Variants in DRC8 observed in about 807,000 individuals in gnomAD.
DRC8 encodes dynein regulatory complex protein 8.
chr1:245,118,963 C>T, the DRC8 span, among the ~76,000 whole-genome samples: 3 of 152,116 alleles, frequency 2.0e-5, no homozygotes, highest in East Asian at 3.8e-4. Context: ...GGGATTGACT[C>T]ATTCTTGATG....
At chr1:245,017,839 C>T in the DRC8 span, among the ~76,000 whole-genome samples, 1 of 152,152 alleles carries the variant, frequency 6.6e-6, no homozygotes, top group Non-Finnish European at 1.5e-5. Context: ...ATGGAGGACA[C>T]AGCTTGGGAC....
At chr1:245,042,101 C>T in the DRC8 span, among the ~76,000 whole-genome samples, 1 of 152,232 alleles carries the variant, frequency 6.6e-6, no homozygotes, top group South Asian at 2.1e-4. Flanking sequence ...TACTCTTTCA[C>T]TCCCTTGATT....
At chr1:244,999,298 C>A in the DRC8 span, among the ~76,000 whole-genome samples, 1 of 151,106 alleles carries the variant, frequency 6.6e-6, no homozygotes, top group African/African-American at 2.4e-5. Context: ...CTTCTTATTT[C>A]AAAAATAGGA....
the DRC8 span, among the ~76,000 whole-genome samples, chr1:245,117,719 A>G: frequency 6.6e-6 from 1 of 152,200 alleles, no homozygotes; most frequent in South Asian, 2.1e-4. Context: ...CTATAATCCC[A>G]GCACTTTGGG....
chr1:245,081,975 T>C, the DRC8 span: 1 of 845,396 alleles, frequency 1.2e-6, no homozygotes, highest in African/African-American at 1.7e-5. Context: ...CACGCCCAAG[T>C]GTGCTCACCA....
chr1:245,120,384 C>A, the DRC8 span, among the ~76,000 whole-genome samples: 1 of 152,158 alleles, frequency 6.6e-6, no homozygotes, highest in African/African-American at 2.4e-5. Context: ...GTGTAGTATT[C>A]TATTGCGTGA....
chr1:244,995,302 A>G, the DRC8 span, among the ~76,000 whole-genome samples: 1 of 151,936 alleles, frequency 6.6e-6, no homozygotes, highest in African/African-American at 2.4e-5. Flanking sequence ...TGGAGGTTGC[A>G]GTGAGCCGAG....
chr1:244,981,511 T>C, the DRC8 span, among the ~76,000 whole-genome samples: 12 of 152,194 alleles, frequency 7.9e-5, no homozygotes, highest in Admixed American at 7.9e-4. Context: ...ATGTGGTAGG[T>C]GCCTCTGTTA....
At chr1:245,080,694 G>A in the DRC8 span, among the ~76,000 whole-genome samples, 2 of 152,054 alleles carry the variant, frequency 1.3e-5, no homozygotes, top group Non-Finnish European at 2.9e-5. Flanking sequence ...CTCTCTCCAT[G>A]GCCGCCACTC....
chr1:245,056,463 T>C, the DRC8 span, among the ~76,000 whole-genome samples: 1 of 152,210 alleles, frequency 6.6e-6, no homozygotes, highest in African/African-American at 2.4e-5. Flanking sequence ...GAGGCTTCTG[T>C]TGCTGACACA....
the DRC8 span, among the ~76,000 whole-genome samples, chr1:245,027,202 G>C: frequency 1.3e-5 from 2 of 152,138 alleles, no homozygotes; most frequent in Non-Finnish European, 2.9e-5. Context: ...AAAGAAAAGA[G>C]TCAAAGAGAA....
At chr1:245,012,132 TG>T in the DRC8 span, among the ~76,000 whole-genome samples, 3 of 152,244 alleles carry the variant, frequency 2.0e-5, no homozygotes, top group Admixed American at 6.5e-5. Flanking sequence ...GAGTGCCATT[TG>T]TTTTGTTCAA....
At chr1:244,973,104 CAACTA>C in the DRC8 span, among the ~76,000 whole-genome samples, 13 of 152,212 alleles carry the variant, frequency 8.5e-5, no homozygotes, top group South Asian at 2.3e-3. Context: ...AGGATTCACT[CAACTA>C]AACTCATAAA....
At chr1:245,053,755 C>T in the DRC8 span, among the ~76,000 whole-genome samples, 6 of 152,270 alleles carry the variant, frequency 3.9e-5, no homozygotes, top group East Asian at 3.9e-4. Flanking sequence ...GGGGTCTACC[C>T]GGGCAGGTGA....
chr1:245,114,971 G>A, the DRC8 span, among the ~76,000 whole-genome samples: 24 of 152,250 alleles, frequency 1.6e-4, no homozygotes, highest in South Asian at 3.5e-3. Context: ...TGATCCACCC[G>A]CCTCAGCCTC....
the DRC8 span, among the ~76,000 whole-genome samples, chr1:245,113,266 G>T: frequency 9.2e-5 from 14 of 152,260 alleles, no homozygotes; most frequent in East Asian, 2.7e-3. Context: ...GTGTTATGAG[G>T]TTCCCAGGCG....
At chr1:244,970,218 G>T in the DRC8 span, 3 of 759,908 alleles carry the variant, frequency 3.9e-6, no homozygotes, top group Admixed American at 6.1e-5. Context: ...TTCCCCCAGC[G>T]CGAGGGTCGT....
the DRC8 span, among the ~76,000 whole-genome samples, chr1:244,997,525 CTTTTTT>C: frequency 7.9e-6 from 1 of 126,738 alleles, no homozygotes; most frequent in Admixed American, 8.1e-5. Flanking sequence ...TTCGTGCCAT[CTTTTTT>C]TTTTTTTTTT....
At chr1:245,083,547 A>G in the DRC8 span, 40 of 1,580,968 alleles carry the variant, frequency 2.5e-5, no homozygotes, top group Non-Finnish European at 3.3e-5. Flanking sequence ...ACATACACAC[A>G]TATATGAAAA....
Sources: gnomAD v4.1 joint callset for allele counts (sites outside exome capture counted in the v4.1 genomes callset) on GRCh38, gnomAD v4.1.1 for gene constraint, MANE v1.5 for transcripts, NCBI Gene and HGNC (gene_info 2026-07-23, HGNC 2026-07-21) for gene names.